RBFOX1: variants seen among roughly 807,000 people sequenced by gnomAD.
The protein encoded by RBFOX1 is RNA binding protein fox-1 homolog 1.
A neutral mutation model predicts 57.7 loss-of-function variants in RBFOX1; 8 were observed. That is an observed-to-expected ratio of 0.14 (90% CI 0.08 to 0.25). The LOEUF (loss-of-function observed/expected upper bound fraction) is 0.25. RBFOX1 is among the 10% of genes least tolerant of loss of function. RBFOX1 has a pLI of 1.00. For missense variants in RBFOX1, 611 were observed against 548.5 expected (o/e 1.11, Z -1.14); for synonymous variants, 326 against 222.4 (o/e 1.47, Z -4.15).
At chr16:6,655,452 C>G (rs2098643159) in intron 3 of RBFOX1, among the ~76,000 whole-genome samples, 1 of 142,514 alleles carries the variant, frequency 7.0e-6, no homozygotes, top group Non-Finnish European at 1.5e-5. Flanking sequence ...TTCATATGAG[C>G]AACAGCGTCC....
At chr16:7,355,331 G>A (rs532401448) in intron 4 of RBFOX1, among the ~76,000 whole-genome samples, 16 of 152,246 alleles carry the variant, frequency 1.1e-4, no homozygotes, top group South Asian at 8.3e-4. Flanking sequence ...TATCATGACC[G>A]TATTTTCTCA....
chr16:5,241,718 A>G (rs1395532290), intron 1 of RBFOX1, among the ~76,000 whole-genome samples: 1 of 152,210 alleles, frequency 6.6e-6, no homozygotes, highest in African/African-American at 2.4e-5. Context: ...CCTGGCACAT[A>G]GTGTATGGTG....
chr16:6,576,862 G>T (rs545863772), intron 2 of RBFOX1: 1 of 152,182 alleles, frequency 6.6e-6, no homozygotes, highest in Non-Finnish European at 1.5e-5. Flanking sequence ...AAAGGATACA[G>T]TGCCAGAGTC....
intron 4 of RBFOX1, among the ~76,000 whole-genome samples, chr16:7,265,449 T>G (rs2095091340): frequency 6.6e-6 from 1 of 152,060 alleles, no homozygotes; most frequent in Non-Finnish European, 1.5e-5. Context: ...ATTTATTTGT[T>G]TATTTATTTG....
chr16:6,684,273 C>T (rs930521789), intron 3 of RBFOX1, among the ~76,000 whole-genome samples: 9 of 152,194 alleles, frequency 5.9e-5, no homozygotes, highest in South Asian at 4.1e-4. Flanking sequence ...TGGCAGTGCA[C>T]GATAAAGAAA....
intron 5 of RBFOX1, among the ~76,000 whole-genome samples, chr16:7,542,699 GAAAAAAAAAAA>G (rs59316335): frequency 4.0e-5 from 3 of 74,360 alleles, no homozygotes; most frequent in Admixed American, 3.7e-4. Flanking sequence ...TACTAAAAAT[GAAAAAAAAAAA>G]AAAAAAAAAA....
At chr16:6,982,418 G>C (rs939123853) in intron 3 of RBFOX1, among the ~76,000 whole-genome samples, 1 of 152,174 alleles carries the variant, frequency 6.6e-6, no homozygotes. Flanking sequence ...TGATCCTGGA[G>C]CATCAGTCAT....
chr16:6,503,928 C>T (rs544435390), intron 2 of RBFOX1, among the ~76,000 whole-genome samples: 34 of 152,304 alleles, frequency 2.2e-4, no homozygotes, highest in African/African-American at 5.5e-4. Context: ...TTCCTTAAGC[C>T]GGACCTTCAT....
At chr16:5,571,189 C>G (rs1371994342) in intron 2 of RBFOX1, among the ~76,000 whole-genome samples, 7 of 147,116 alleles carry the variant, frequency 4.8e-5, no homozygotes, top group African/African-American at 1.8e-4. Context: ...CCCTTGTCCC[C>G]TGGTAGTGAA....
chr16:6,054,441 T>C (rs1392371937), intron 1 of RBFOX1, among the ~76,000 whole-genome samples: 1 of 152,234 alleles, frequency 6.6e-6, no homozygotes, highest in Non-Finnish European at 1.5e-5. Flanking sequence ...ATCTCCAGCG[T>C]CAGGTTTCCT....
intron 2 of RBFOX1, among the ~76,000 whole-genome samples, chr16:6,396,983 T>C (rs1022817721): frequency 6.6e-6 from 1 of 152,208 alleles, no homozygotes; most frequent in Admixed American, 6.5e-5. Context: ...TCAGTGAATT[T>C]AATATAGATT....
chr16:7,674,668 G>A (rs1199293762), intron 13 of RBFOX1, among the ~76,000 whole-genome samples: 2 of 152,200 alleles, frequency 1.3e-5, no homozygotes, highest in African/African-American at 4.8e-5. Flanking sequence ...TATGCAAACA[G>A]AGTAGAGGTC....
At chr16:6,853,512 C>G (rs967555775) in intron 3 of RBFOX1, among the ~76,000 whole-genome samples, 1 of 152,152 alleles carries the variant, frequency 6.6e-6, no homozygotes, top group African/African-American at 2.4e-5. Flanking sequence ...TCCCTGTCTG[C>G]TTGGGACTCT....
chr16:6,556,483 C>G (rs542265654), intron 2 of RBFOX1, among the ~76,000 whole-genome samples: 1 of 152,140 alleles, frequency 6.6e-6, no homozygotes, highest in Admixed American at 6.6e-5. Context: ...CCTCTGAGGT[C>G]TCATTTGTTC....
chr16:5,369,969 G>A (rs182958498), intron 1 of RBFOX1, among the ~76,000 whole-genome samples: 2 of 152,218 alleles, frequency 1.3e-5, no homozygotes, highest in African/African-American at 4.8e-5. Context: ...CGCTTAGAGT[G>A]GTTTCCTGCC....
In RBFOX1 at chr16:6,331,771, TA is replaced by T. The variant is rs5815300; in HGVS notation, c.-64+14725del. 1.9e-3 allele frequency among the ~76,000 whole-genome samples: 287 copies of T among 149,318 alleles called. 1 individual carries two copies. Among genetic ancestry groups the T allele is most frequent in the African/African-American group, 5.8e-3 (236 of 40,704 alleles). On this transcript the variant is annotated intron_variant, in intron 2 of 15. Coordinates refer to ENST00000550418, the MANE Select transcript of RBFOX1 (RefSeq NM_018723.4). ...CAATTTTTTTTGTTTCACCTTTTTTTAAAAAAAAAAATTGTATTTATTTGTG... is the reference window on the plus strand; with the variant it reads ...CAATTTTTTTTGTTTCACCTTTTTTTAAAAAAAAAATTGTATTTATTTGTG...
At chr16:6,746,495 G>A (rs774989269) in intron 3 of RBFOX1, among the ~76,000 whole-genome samples, 8 of 151,962 alleles carry the variant, frequency 5.3e-5, no homozygotes, top group Non-Finnish European at 1.2e-4. Flanking sequence ...TATGCAACAT[G>A]GCAAAGCCTC....
intron 4 of RBFOX1, among the ~76,000 whole-genome samples, chr16:7,489,266 G>A (rs1258295661): frequency 6.6e-6 from 1 of 152,168 alleles, no homozygotes; most frequent in South Asian, 2.1e-4. Flanking sequence ...GTTGAGTAAT[G>A]TAAAAGCAAG....
At chr16:5,765,882 G>C (rs2053759250) in intron 3 of RBFOX1, among the ~76,000 whole-genome samples, 1 of 152,194 alleles carries the variant, frequency 6.6e-6, no homozygotes, top group Non-Finnish European at 1.5e-5. Flanking sequence ...CCGTGGAAAA[G>C]ACAACCTTGG....
Sources: gnomAD v4.1 joint callset for allele counts (sites outside exome capture counted in the v4.1 genomes callset) on GRCh38, gnomAD v4.1.1 for gene constraint, MANE v1.5 for transcripts, NCBI Gene and HGNC (gene_info 2026-07-23, HGNC 2026-07-21) for gene names.